The following TRPM1 variants were observed in gnomAD, a reference collection of about 807,000 sequenced individuals.
TRPM1 encodes the protein TRPM1-203 APA Isoform, Intron 10.
A neutral mutation model predicts 149.4 loss-of-function variants in TRPM1; 113 were observed. That is an observed-to-expected ratio of 0.76 (90% CI 0.65 to 0.88). TRPM1 has a LOEUF of 0.88. Ranked by LOEUF, TRPM1 falls within the 40% of genes least tolerant of loss-of-function variation. The pLI is 0.00. For missense variants in TRPM1, 1,976 were observed against 2,038.7 expected, an observed-to-expected ratio of 0.97 and a Z score of 0.59; for synonymous variants, 741 against 759.5, an observed-to-expected ratio of 0.98 and a Z score of 0.40.
intron 1 of TRPM1, among the ~76,000 whole-genome samples, chr15:31,100,606 C>T (rs936231332): frequency 6.6e-6 from 1 of 151,982 alleles, no homozygotes; most frequent in Non-Finnish European, 1.5e-5. Flanking sequence ...TAGAAATGTA[C>T]AAAAGAATAA....
chr15:31,053,403 A>G (rs1001292976), intron 11 of TRPM1, among the ~76,000 whole-genome samples: 1 of 144,208 alleles, frequency 6.9e-6, no homozygotes, highest in Non-Finnish European at 1.5e-5. Flanking sequence ...GATGTGTGCC[A>G]CCACTCCCGG....
chr15:31,140,190 A>G (rs1471331848), intron 1 of TRPM1, among the ~76,000 whole-genome samples: 1 of 149,078 alleles, frequency 6.7e-6, no homozygotes, highest in Admixed American at 6.7e-5. Flanking sequence ...AATATGGTGA[A>G]ACTCTGTCTC....
chr15:31,085,085 A>G (rs1221847139), intron 1 of TRPM1, among the ~76,000 whole-genome samples: 4 of 152,164 alleles, frequency 2.6e-5, no homozygotes, highest in African/African-American at 7.2e-5. Context: ...GAGGGGATAC[A>G]GACTTTTTCT....
At chr15:31,052,798 C>T (rs1479269447) in intron 11 of TRPM1, among the ~76,000 whole-genome samples, 3 of 152,014 alleles carry the variant, frequency 2.0e-5, no homozygotes, top group Admixed American at 2.0e-4. Context: ...ATTAATTAAA[C>T]TAAAATGCTT....
chr15:31,012,685 T>G (rs2032227646), intron 27 of TRPM1, among the ~76,000 whole-genome samples: 1 of 152,142 alleles, frequency 6.6e-6, no homozygotes, highest in Non-Finnish European at 1.5e-5. Flanking sequence ...TGGCCATTAT[T>G]TCTTTAAATA....
intron 1 of TRPM1, among the ~76,000 whole-genome samples, chr15:31,112,942 G>T (rs1048343798): frequency 2.0e-5 from 3 of 152,056 alleles, no homozygotes; most frequent in African/African-American, 7.3e-5. Context: ...TTCACATAAC[G>T]AAAGTATCAC....
chr15:31,137,749 G>A (rs548808737), intron 1 of TRPM1, among the ~76,000 whole-genome samples: 13 of 152,132 alleles, frequency 8.5e-5, no homozygotes, highest in Non-Finnish European at 1.3e-4. Flanking sequence ...ACTTTCTGTC[G>A]GAATTGCCTA....
chr15:31,019,177 ATAATT>A lies in TRPM1; in HGVS notation c.3629+6957_3629+6961del, dbSNP rs1257277779. ...TGAGTTCTAAAACTATTCCTACCCTATAATTTAATTCCAGAACTACTGATCATAAA... is the reference window on the plus strand; with the variant it reads ...TGAGTTCTAAAACTATTCCTACCCTATAATTCCAGAACTACTGATCATAAA... On this transcript the variant is annotated intron_variant, in intron 27 of 27. Coordinates refer to ENST00000256552, the MANE Select transcript of TRPM1 (RefSeq NM_001252024.2). Among the ~76,000 whole-genome samples, 3 of 152,326 alleles carry A rather than the reference ATAATT, an allele frequency of 2.0e-5. No individual in the cohort carries two copies. The East Asian group carries it at 5.8e-4, about 29-fold the overall frequency.
intron 1 of TRPM1, among the ~76,000 whole-genome samples, chr15:31,121,466 T>C (rs2035879243): frequency 6.6e-6 from 1 of 152,086 alleles, no homozygotes; most frequent in Non-Finnish European, 1.5e-5. Context: ...ATGCAGTCAC[T>C]GATATGAGAA....
At chr15:31,144,495 G>C (rs894729791) in intron 1 of TRPM1, among the ~76,000 whole-genome samples, 2 of 152,064 alleles carry the variant, frequency 1.3e-5, no homozygotes, top group African/African-American at 4.8e-5. Context: ...ATGCAACAAT[G>C]CAAATTTAAA....
At chr15:31,069,960 T>C (rs778267446) in intron 4 of TRPM1, 71 bp downstream of exon 4, 11 of 1,613,658 alleles carry the variant, frequency 6.8e-6, no homozygotes, top group Non-Finnish European at 8.5e-6. Flanking sequence ...TATCTGCAGT[T>C]TGGGGCTGGG....
intron 27 of TRPM1, among the ~76,000 whole-genome samples, chr15:31,017,151 C>T (rs556854384): frequency 1.3e-5 from 2 of 152,138 alleles, no homozygotes; most frequent in Admixed American, 6.5e-5. Flanking sequence ...ACTAAAACTA[C>T]AAAAATTAGC....
intron 16 of TRPM1, among the ~76,000 whole-genome samples, chr15:31,045,709 A>G (rs2033743834): frequency 1.3e-5 from 2 of 152,206 alleles, no homozygotes; most frequent in Non-Finnish European, 2.9e-5. Context: ...TTATCATTCT[A>G]TTTTGAGAAA....
intron 18 of TRPM1, among the ~76,000 whole-genome samples, chr15:31,038,599 C>A (rs1013714666): frequency 6.6e-6 from 1 of 152,150 alleles, no homozygotes; most frequent in African/African-American, 2.4e-5. Context: ...GTAATACCAG[C>A]TACTTGGGAG....
At chr15:31,130,186 A>G (rs1471823603) in intron 1 of TRPM1, among the ~76,000 whole-genome samples, 1 of 152,226 alleles carries the variant, frequency 6.6e-6, no homozygotes, top group Non-Finnish European at 1.5e-5. Context: ...GGACCTGCCC[A>G]GTGTCTTACC....
chr15:31,081,279 C>G (rs1396840492), intron 2 of TRPM1, 74 bp downstream of exon 2: 1 of 870,794 alleles, frequency 1.1e-6, no homozygotes, highest in African/African-American at 1.8e-5. Context: ...CTAATAAAAA[C>G]GCTAGCATGT....
intron 1 of TRPM1, among the ~76,000 whole-genome samples, chr15:31,113,534 T>C (rs1334386445): frequency 6.6e-6 from 1 of 151,718 alleles, no homozygotes; most frequent in Admixed American, 6.6e-5. Flanking sequence ...AAAAACATTT[T>C]TCTTTGTACT....
intron 1 of TRPM1, among the ~76,000 whole-genome samples, chr15:31,136,462 G>C (rs1246479905): frequency 6.6e-6 from 1 of 152,160 alleles, no homozygotes; most frequent in East Asian, 1.9e-4. Flanking sequence ...TGCCATGTGT[G>C]GTAAATCCAG....
At chr15:31,122,352 G>T (rs898104705) in intron 1 of TRPM1, among the ~76,000 whole-genome samples, 8 of 152,038 alleles carry the variant, frequency 5.3e-5, no homozygotes, top group African/African-American at 1.7e-4. Context: ...ATAAGAAAAA[G>T]AAATAAAAGT....
Sources: allele counts gnomAD v4.1 joint callset (sites outside exome capture counted in the v4.1 genomes callset), GRCh38; gene constraint gnomAD v4.1.1; transcripts MANE v1.5; gene names NCBI Gene and HGNC (gene_info 2026-07-23, HGNC 2026-07-21).